TTN: variants seen among roughly 807,000 people sequenced by gnomAD.
TTN encodes the protein connectin.
In TTN, 1,525 loss-of-function variants were observed where a neutral mutation model predicts 3,223.0. That is an observed-to-expected ratio of 0.47 (90% CI 0.45 to 0.49). The LOEUF is 0.49. Among genes scored for constraint, TTN ranks in the 20% least tolerant of loss-of-function variants. TTN has a pLI of 0.00. For missense variants in TTN, 40,786 were observed against 43,424.0 expected (o/e 0.94, Z 5.40); for synonymous variants, 14,094 against 15,161.0 (o/e 0.93, Z 5.17).
rs267599080 is a variant in TTN at position 178,751,318 on chromosome 2, C to G, written c.11311+1806G>C. The G allele has an allele frequency of 8.1e-6, 13 of 1,610,452 alleles. No homozygotes were observed. In the South Asian group the frequency reaches 1.2e-4, roughly 15 times the overall value. ...GCAACTTCACTTTGGTCTCCTTGTC[C>G]AGGAAACTTTCACCTACATTAAGCC... On this transcript the variant is annotated intron_variant, in intron 47 of 362. Coordinates refer to ENST00000589042, the MANE Select transcript of TTN (RefSeq NM_001267550.2).
chr2:178,708,305 C>T (rs1459690811), intron 99 of TTN, among the ~76,000 whole-genome samples: 1 of 152,168 alleles, frequency 6.6e-6, no homozygotes, highest in African/African-American at 2.4e-5. Flanking sequence ...TGATGTTCAT[C>T]TTTAGCTATT....
chr2:178,697,750 C>T (rs746355304), intron 112 of TTN, among the ~76,000 whole-genome samples: 9 of 152,102 alleles, frequency 5.9e-5, no homozygotes, highest in African/African-American at 1.2e-4. Flanking sequence ...TAAAAATCTT[C>T]GAGGATATAT....
chr2:178,695,500 T>C (rs1448633743), intron 114 of TTN, 90 bp from the exon 115 acceptor site: 1 of 989,022 alleles, frequency 1.0e-6, no homozygotes, highest in Non-Finnish European at 1.6e-6. Context: ...GTAAGGATAA[T>C]ATATAATCGT....
intron 221 of TTN, 32 bp from the exon 222 acceptor site, chr2:178,640,142 T>C: frequency 6.3e-7 from 1 of 1,597,390 alleles, no homozygotes; most frequent in Non-Finnish European, 8.5e-7. Flanking sequence ...GGCAGATTAT[T>C]ACAGGATTTT....
Position 178,588,527 on chromosome 2 carries a change from G to A in TTN, c.63187+11C>T, listed in dbSNP as rs2049545395. 1 of 1,509,884 alleles carries A rather than the reference G, an allele frequency of 6.6e-7. No homozygotes were observed. The highest frequency in any genetic ancestry group is 2.4e-5 in the Admixed American group (1 of 42,492). The allele number at this position is 1,509,884 out of a possible 1,614,324, so 93.5% of individuals were successfully genotyped here. On this transcript the variant is annotated intron_variant, in intron 304 of 362. Coordinates refer to ENST00000589042, the MANE Select transcript of TTN (RefSeq NM_001267550.2). ...GTTGCTGTAATATCAGAAAAAACAA[G>A]GACATCCTACCTATGGGGTCTTTTG...
chr2:178,771,315 C>A lies in TTN; in HGVS notation c.8012G>T (p.Gly2671Val), dbSNP rs758484720. The A allele has an allele frequency of 6.2e-7, 1 of 1,614,054 alleles. No homozygotes were observed. Among genetic ancestry groups the A allele is most frequent in the South Asian group, 1.1e-5 (1 of 91,088 alleles). Residue 2671 changes from glycine to valine, a missense_variant, in exon 34 of 363, where the codon GGC (glycine) becomes GTC (valine). Physicochemically the swap from Gly to Val is moderately radical, Grantham distance 109 (BLOSUM62 -3). Transcript: ENST00000589042. ...AGCAATGATAAGTCTCCTTTTGTGGCCATCAGACTCACTTCTGATGTTGTT... is the reference window on the plus strand; with the variant it reads ...AGCAATGATAAGTCTCCTTTTGTGGACATCAGACTCACTTCTGATGTTGTT... ...LTNNIRSESD[G>V]HKRRLIIAAT...
In TTN at chr2:178,559,430, C is replaced by T. The variant is rs550229338; in HGVS notation, c.86702G>A (p.Arg28901His). Residue 28901 changes from arginine (R) to histidine (H), a missense_variant, in exon 326 of 363, where the codon CGC becomes CAC. Transcript: ENST00000589042. ...AWVSVTNNCN[R>H]LSYKVTNLQE... Reference sequence around the variant, plus strand: ...TAAATTGGTAACTTTGTAGGAGAGGCGGTTACAGTTGTTGGTCACAGAGAC... The same window carrying T: ...TAAATTGGTAACTTTGTAGGAGAGGTGGTTACAGTTGTTGGTCACAGAGAC... 1.4e-5 allele frequency: 22 copies of T among 1,613,690 alleles called. No individual in the cohort carries two copies. The East Asian group carries it at 2.9e-4, about 21-fold the overall frequency.
Position 178,543,877 on chromosome 2 carries a change from G to T in TTN, c.96267C>A (p.Asn32089Lys), listed in dbSNP as rs1695801999. Residue 32089 changes from asparagine (N) to lysine (K), a missense_variant, in exon 346 of 363, where the codon AAC becomes AAA. Asn to Lys is a moderately conservative substitution (Grantham distance 94, BLOSUM62 0). Coordinates refer to ENST00000589042, the MANE Select transcript of TTN (RefSeq NM_001267550.2). ...CTGTTGCTGATTTCTTGCCAGATTG[G>T]TTTTCAGCTTCAATTGTGTATTTTC... ...DAGKYTIEAE[N>K]QSGKKSATVL... 6.2e-7 allele frequency: 1 copy of T among 1,613,494 alleles called. No homozygotes were observed. Among genetic ancestry groups the T allele is most frequent in the African/African-American group, 1.3e-5 (1 of 74,872 alleles).
At chr2:178,738,681 G>T (rs1048138812) in intron 48 of TTN, among the ~76,000 whole-genome samples, 1 of 151,926 alleles carries the variant, frequency 6.6e-6, no homozygotes, top group Non-Finnish European at 1.5e-5. Flanking sequence ...TGAAAATAAT[G>T]TGAAGAAACA....
At chr2:178,791,323 C>A (rs1046014931) in intron 10 of TTN, among the ~76,000 whole-genome samples, 1 of 152,168 alleles carries the variant, frequency 6.6e-6, no homozygotes, top group Non-Finnish European at 1.5e-5. Context: ...TCAACTGGAC[C>A]TTTAAAGAAA....
Position 178,565,077 on chromosome 2 carries a change from T to A in TTN, c.81055A>T (p.Thr27019Ser). 6.2e-7 allele frequency: 1 copy of A among 1,613,660 alleles called. No individual in the cohort carries two copies. The highest frequency in any genetic ancestry group is 8.5e-7 in the Non-Finnish European group (1 of 1,179,664). ...ACTGTTGCTGATACCATGTGCCAAG[T>A]GGTGGTGGTTGTATCTCGCTTCTCT... ...IVEKRDTTTT[T>S]WHMVSATVAR... The change falls in exon 326 of 363, where the codon ACT (threonine) becomes TCT (serine). Residue 27019 changes from threonine to serine, a missense_variant. By Grantham distance (58) the Thr-to-Ser change is moderately conservative. Coordinates refer to ENST00000589042, the MANE Select transcript of TTN (RefSeq NM_001267550.2).
At position 178,649,316 on chromosome 2, in the gene TTN, T is replaced by C. The variant is rs781724024; in HGVS notation, c.39989A>G (p.Lys13330Arg). The C allele has an allele frequency of 3.4e-5, 50 of 1,469,376 alleles. No homozygotes were observed. The highest frequency in any genetic ancestry group is 4.3e-5 in the Non-Finnish European group (48 of 1,118,424). 91.0% of individuals were successfully genotyped at this position (1,469,376 alleles called of 1,614,324 possible). A position where few individuals can be genotyped will look rare whatever the true frequency, so the allele number is the denominator to read the frequency against. The change falls in exon 213 of 363, where the codon AAG becomes AGG. Residue 13330 changes from lysine to arginine, a missense_variant. Physicochemically the swap from Lys to Arg is conservative, Grantham distance 26. Transcript: ENST00000589042. ...TTCTTTCTTTACTGGAACAAGTTTC[T>C]TGGGCACCTCAGGCACTTTGAAGAT... is the stretch of plus-strand genomic sequence containing the variant. ...TPAAKVPEVP[K>R]KLVPVKKEPV...
chr2:178,759,257 C>T (rs2088283342), intron 43 of TTN, 85 bp from the exon 44 acceptor site: 1 of 1,318,054 alleles, frequency 7.6e-7, no homozygotes, highest in Non-Finnish European at 1.1e-6. Flanking sequence ...GTTAATAATA[C>T]TAGTGCCTAC....
In TTN at chr2:178,783,789, G is replaced by T. The variant is rs751641811; in HGVS notation, c.2776-4C>A. 1 of 1,612,240 alleles carries T rather than the reference G, an allele frequency of 6.2e-7. No individual in the cohort carries two copies. The highest frequency in any genetic ancestry group is 1.1e-5 in the South Asian group (1 of 91,008). ...GTACTCTTGCTGTTTCTGTTACCTA[G>T]ATTTTTACAAATTATATTACAAAAT... On this transcript the variant is annotated splice_polypyrimidine_tract_variant and splice_region_variant and intron_variant, in intron 16 of 362. Transcript: ENST00000589042.
At chr2:178,780,286 C>A in intron 21 of TTN, 81 bp from the exon 22 acceptor site, 1 of 1,306,032 alleles carries the variant, frequency 7.7e-7, no homozygotes, top group Non-Finnish European at 1.1e-6. Context: ...GTAAACTCTA[C>A]ACTGGGGAAA....
chr2:178,571,843 A>T lies in TTN; in HGVS notation c.74289T>A (p.Asn24763Lys), dbSNP rs749832389. 6.2e-7 allele frequency: 1 copy of T among 1,613,482 alleles called. No homozygotes were observed. The highest frequency in any genetic ancestry group is 2.2e-5 in the East Asian group (1 of 44,824). The change falls in exon 326 of 363, where the codon AAT becomes AAA. Residue 24763 changes from asparagine (N) to lysine (K), a missense_variant. Transcript: ENST00000589042. ...NVPLKQTTRV[N>K]AESTENNSLL... ...GTGAATTATTTTCTGTGCTCTCTGC[A>T]TTTACTCTAGTTGTCTGCTTCAGTG...
rs56365812 is a variant in TTN at position 178,530,990 on chromosome 2, T to G, written c.105625A>C (p.Lys35209Gln). 8 of 1,614,000 alleles carry G rather than the reference T, an allele frequency of 5.0e-6. No individual in the cohort carries two copies. The East Asian group carries it at 1.3e-4, about 27-fold the overall frequency. ...YSVVVENSEG[K>Q]QEAEFTLTIQ... ...GTCAGAGTGAACTCTGCTTCTTGTT[T>G]CCCTTCACTGTTTTCTACCACCACG... The change falls in exon 358 of 363, where the codon AAA (lysine) becomes CAA (glutamine). Residue 35209 changes from lysine to glutamine, a missense_variant. Coordinates refer to ENST00000589042, the MANE Select transcript of TTN (RefSeq NM_001267550.2).
At position 178,674,292 on chromosome 2, in the gene TTN, C is replaced by T. The variant is rs776737714; in HGVS notation, c.34708+22G>A. On this transcript the variant is annotated intron_variant, in intron 151 of 362. Transcript: ENST00000589042. ...TGGAACACCAGGAATTTTAAATGTTCAATCCTTAAAAGCGGTTATACCTCT... is the reference window on the plus strand; with the variant it reads ...TGGAACACCAGGAATTTTAAATGTTTAATCCTTAAAAGCGGTTATACCTCT... The T allele has an allele frequency of 7.0e-6, 10 of 1,423,956 alleles. No homozygotes were observed. In the East Asian group the frequency reaches 2.1e-4, roughly 30 times the overall value. 88.2% of individuals were successfully genotyped at this position (1,423,956 alleles called of 1,614,324 possible).
chr2:178,551,534 A>T (rs1699440467), intron 335 of TTN, 96 bp downstream of exon 335: 2 of 1,071,800 alleles, frequency 1.9e-6, no homozygotes, highest in African/African-American at 3.2e-5. Context: ...GAAGATATGT[A>T]AGAAGGTGAT....
Sources: gnomAD v4.1 joint callset for allele counts (sites outside exome capture counted in the v4.1 genomes callset) on GRCh38, gnomAD v4.1.1 for gene constraint, MANE v1.5 for transcripts, NCBI Gene and HGNC (gene_info 2026-07-23, HGNC 2026-07-21) for gene names.